Variants in CBR4 observed in about 807,000 individuals in gnomAD.
CBR4 encodes the protein 3-oxoacyl-[acyl-carrier-protein] reductase.
A neutral mutation model predicts 21.0 loss-of-function variants in CBR4; 22 were observed. The ratio of observed to expected loss-of-function variants is 1.05; its 90% CI spans 0.75 to 1.50. The LOEUF (loss-of-function observed/expected upper bound fraction) is 1.50. Ranked by LOEUF, CBR4 falls within the 40% of genes most tolerant of loss-of-function variation. The pLI is 0.00. For missense variants in CBR4, 302 were observed against 286.3 expected, an observed-to-expected ratio of 1.05 and a Z score of -0.40; for synonymous variants, 100 against 104.4, an observed-to-expected ratio of 0.96 and a Z score of 0.26.
At chr4:168,949,197 A>G (rs1224663181) in intron 2 of CBR4, among the ~76,000 whole-genome samples, 1 of 152,040 alleles carries the variant, frequency 6.6e-6, no homozygotes, top group East Asian at 1.9e-4. Flanking sequence ...AGAGCTACTG[A>G]TTTGTGTATG....
chr4:168,984,574 AC>A (rs1161061880), downstream of CBR4, among the ~76,000 whole-genome samples: 1 of 152,220 alleles, frequency 6.6e-6, no homozygotes, highest in Non-Finnish European at 1.5e-5. Context: ...TTCATTTGGA[AC>A]CAAAAAAGAG....
chr4:168,910,220 C>CTTTTT (rs70961563), intron 2 of CBR4, among the ~76,000 whole-genome samples: 2 of 114,010 alleles, frequency 1.8e-5, no homozygotes, highest in Non-Finnish European at 1.8e-5. Flanking sequence ...AACCTGTTTA[C>CTTTTT]TTTTTTTTTT....
intron 2 of CBR4, among the ~76,000 whole-genome samples, chr4:168,911,551 A>T (rs1758950247): frequency 6.6e-6 from 1 of 152,194 alleles, no homozygotes. Flanking sequence ...TTAAGTGTTC[A>T]TGTGTTATCT....
At chr4:168,926,452 A>G in intron 2 of CBR4, 2 of 1,155,318 alleles carry the variant, frequency 1.7e-6, no homozygotes, top group Non-Finnish European at 2.5e-6. Context: ...TTCCTTTGTC[A>G]CATTATGTAA....
chr4:169,002,823 G>GGCTCACTGTGAGCAGT (rs1730573577), intron 3 of CBR4, among the ~76,000 whole-genome samples: 1 of 150,878 alleles, frequency 6.6e-6, no homozygotes, highest in Admixed American at 6.6e-5. Context: ...CCAACACCAT[G>GGCTCACTGTGAGCAGT]GCTCACTGTG....
At chr4:168,918,400 T>C (rs913702961) in intron 2 of CBR4, among the ~76,000 whole-genome samples, 6 of 151,916 alleles carry the variant, frequency 3.9e-5, no homozygotes, top group Non-Finnish European at 7.4e-5. Flanking sequence ...TGGATGAACC[T>C]GGAGGACATA....
chr4:168,905,719 A>G (rs1341975089), intron 2 of CBR4, among the ~76,000 whole-genome samples: 1 of 151,982 alleles, frequency 6.6e-6, no homozygotes, highest in African/African-American at 2.4e-5. Context: ...CACTATTAAG[A>G]AGTTGCATTT....
At chr4:169,007,997 A>G (rs1171277095) in intron 1 of CBR4, among the ~76,000 whole-genome samples, 1 of 152,206 alleles carries the variant, frequency 6.6e-6, no homozygotes, top group African/African-American at 2.4e-5. Flanking sequence ...TTTTTAATCA[A>G]CAAAGGGGGG....
chr4:168,962,585 T>C (rs1399115708), intron 2 of CBR4, among the ~76,000 whole-genome samples: 1 of 152,234 alleles, frequency 6.6e-6, no homozygotes, highest in Non-Finnish European at 1.5e-5. Flanking sequence ...AGAAAGATGA[T>C]GAGTTCCATT....
chr4:168,980,963 G>A (rs1287201331), intron 2 of CBR4, among the ~76,000 whole-genome samples: 2 of 152,080 alleles, frequency 1.3e-5, no homozygotes, highest in East Asian at 1.9e-4. Flanking sequence ...AGAAGGAAAT[G>A]GCTGAAATGA....
At position 168,896,591 on chromosome 4, in the gene CBR4, G is replaced by C. The variant is rs1353803515; in HGVS notation, n.170-1826C>G. ...TGCTTCTGTAGGGAGTCCTCTGGAT[G>C]GTCAAAAGGTTAAGCTTTTCACCTT... On this transcript the variant is annotated intron_variant and non_coding_transcript_variant, in intron 2 of 3. Transcript: ENST00000509108. 33 of 1,507,606 alleles carry C rather than the reference G, an allele frequency of 2.2e-5. No homozygotes were observed. The highest frequency in any genetic ancestry group is 2.7e-5 in the Non-Finnish European group (30 of 1,121,186). 93.4% of individuals were successfully genotyped at this position (1,507,606 alleles called of 1,614,324 possible).
At chr4:168,901,003 TTTTTAATATGACTGTAC>T (rs1756399556) in intron 2 of CBR4, among the ~76,000 whole-genome samples, 1 of 152,212 alleles carries the variant, frequency 6.6e-6, no homozygotes, top group African/African-American at 2.4e-5. Flanking sequence ...TGGGCTTTTG[TTTTTAATATGACTGTAC>T]TTTTTTCCTA....
intron 2 of CBR4, among the ~76,000 whole-genome samples, chr4:168,976,069 T>C (rs1341308806): frequency 2.6e-5 from 4 of 152,200 alleles, no homozygotes; most frequent in Non-Finnish European, 4.4e-5. Flanking sequence ...CCTGCCAACA[T>C]GTTCAGCTGC....
rs76730187 is a variant in CBR4, at chr4:168,943,298, G to T, written n.170-48533C>A. Among the ~76,000 whole-genome samples, 1,364 of 152,262 alleles carry T rather than the reference G, an allele frequency of 9.0e-3. 17 individuals are homozygous for T. The highest frequency in any genetic ancestry group is 0.032 in the South Asian group (153 of 4,822). Reference sequence around the variant, plus strand: ...CTCTGCAACCCCAGCCCTGTAGAAGGTAGTGAGCCAGCTCATACACCCAGT... The same window carrying T: ...CTCTGCAACCCCAGCCCTGTAGAAGTTAGTGAGCCAGCTCATACACCCAGT... On this transcript the variant is annotated intron_variant and non_coding_transcript_variant, in intron 2 of 3. Coordinates refer to the CBR4 transcript ENST00000509108.
intron 2 of CBR4, among the ~76,000 whole-genome samples, chr4:168,971,644 ATTAT>A (rs778830863): frequency 7.9e-5 from 12 of 151,846 alleles, no homozygotes; most frequent in African/African-American, 1.2e-4. Context: ...TTATGATAGG[ATTAT>A]TTGTTTTTTT....
At chr4:168,972,147 A>G (rs1041036462) in intron 2 of CBR4, among the ~76,000 whole-genome samples, 3 of 151,836 alleles carry the variant, frequency 2.0e-5, no homozygotes, top group African/African-American at 4.8e-5. Flanking sequence ...CCATTGGTCT[A>G]TATTTATACC....
intron 2 of CBR4, chr4:168,927,158 C>T (rs143604556): frequency 2.2e-5 from 5 of 229,076 alleles, no homozygotes; most frequent in Non-Finnish European, 3.5e-5. Context: ...CCAAACCACC[C>T]AAATGACCAA....
rs1560894892 is a variant in CBR4 at position 168,905,138 on chromosome 4, G to GTTTTTTGTT, written n.170-10374_170-10373insAACAAAAAA. On this transcript the variant is annotated intron_variant and non_coding_transcript_variant, in intron 2 of 3. Transcript: ENST00000509108. ...TGAGACTTTGTTTTTTGTTTTGTTG[G>GTTTTTTGTT]TTTTTTTTTTTTTTTTTTTTTTTTT... 2.3e-3 allele frequency among the ~76,000 whole-genome samples: 81 copies of GTTTTTTGTT among 34,532 alleles called. 8 individuals carry two copies. Among genetic ancestry groups the GTTTTTTGTT allele is most frequent in the South Asian group, 6.6e-3 (4 of 604 alleles). The allele number at this position is 34,532 out of a possible 152,430, so 22.7% of individuals were successfully genotyped here.
intron 2 of CBR4, among the ~76,000 whole-genome samples, chr4:168,929,354 T>C (rs1340329979): frequency 6.6e-6 from 1 of 152,218 alleles, no homozygotes; most frequent in Non-Finnish European, 1.5e-5. Context: ...TATTTCATCT[T>C]TTACATATGC....
Sources: allele counts gnomAD v4.1 joint callset (sites outside exome capture counted in the v4.1 genomes callset), GRCh38; gene constraint gnomAD v4.1.1; transcripts MANE v1.5; gene names NCBI Gene and HGNC (gene_info 2026-07-23, HGNC 2026-07-21).